The following SHANK2 variants were observed in gnomAD, a reference collection of about 807,000 sequenced individuals.
SHANK2 encodes SH3 and multiple ankyrin repeat domains protein 2.
A neutral mutation model predicts 133.7 loss-of-function variants in SHANK2; 43 were observed. The observed-to-expected ratio is 0.32, with a 90% confidence interval of 0.25 to 0.41. The LOEUF (loss-of-function observed/expected upper bound fraction) is 0.41. Ranked by LOEUF, SHANK2 falls within the 10% of genes least tolerant of loss-of-function variation. SHANK2 has a pLI of 1.00. For synonymous variants in SHANK2, 1,017 were observed against 952.8 expected (o/e 1.07, Z -1.24); for missense variants, 1,994 against 2,235.8 (o/e 0.89, Z 2.18).
intron 2 of SHANK2, among the ~76,000 whole-genome samples, chr11:71,191,607 T>G (rs1953794962): frequency 1.3e-5 from 2 of 152,210 alleles, no homozygotes; most frequent in South Asian, 2.1e-4. Flanking sequence ...TCACCCAGAC[T>G]GGAGTGCAAT....
At chr11:71,174,460 T>A (rs909733845) in intron 2 of SHANK2, among the ~76,000 whole-genome samples, 30 of 151,958 alleles carry the variant, frequency 2.0e-4, no homozygotes, top group African/African-American at 6.8e-4. Context: ...GGCAGGCGGA[T>A]CACGAGGTCA....
At chr11:71,172,095 C>G (rs1953325768) in intron 2 of SHANK2, among the ~76,000 whole-genome samples, 2 of 152,170 alleles carry the variant, frequency 1.3e-5, no homozygotes, top group South Asian at 4.1e-4. Flanking sequence ...CAGCCCCATC[C>G]GTGGCACACT....
At chr11:70,950,090 C>T (rs1555086206) in intron 10 of SHANK2, 4 of 456,540 alleles carry the variant, frequency 8.8e-6, no homozygotes, top group East Asian at 6.9e-5. Flanking sequence ...GGAGTTTCGC[C>T]CTGGTTACCT....
chr11:70,692,492 A>G (rs1004390992), intron 15 of SHANK2, among the ~76,000 whole-genome samples: 1 of 152,252 alleles, frequency 6.6e-6, no homozygotes, highest in African/African-American at 2.4e-5. Flanking sequence ...ACTTAGCTGG[A>G]AAGCCAGAGA....
chr11:70,848,153 C>T (rs1488876867), intron 11 of SHANK2, among the ~76,000 whole-genome samples: 3 of 152,246 alleles, frequency 2.0e-5, no homozygotes, highest in African/African-American at 7.2e-5. Context: ...GCCTTCTCTC[C>T]ACGGAGGCTT....
chr11:70,530,959 C>T (rs1007264276), intron 17 of SHANK2, among the ~76,000 whole-genome samples: 10 of 151,648 alleles, frequency 6.6e-5, no homozygotes. Context: ...TGAGGCCAGG[C>T]CTTTGAGACC....
At chr11:71,105,527 G>A (rs1565453912) in intron 6 of SHANK2, among the ~76,000 whole-genome samples, 1 of 149,360 alleles carries the variant, frequency 6.7e-6, no homozygotes, top group Non-Finnish European at 1.5e-5. Flanking sequence ...GGGAGGCGGA[G>A]GTTGCAGTGA....
intron 14 of SHANK2, among the ~76,000 whole-genome samples, chr11:70,789,452 A>T (rs1015495317): frequency 6.6e-6 from 1 of 152,174 alleles, no homozygotes; most frequent in African/African-American, 2.4e-5. Context: ...AGTCAAGGGA[A>T]GGCACGGCTA....
At chr11:71,182,273 G>C (rs905569401) in intron 2 of SHANK2, among the ~76,000 whole-genome samples, 1 of 152,342 alleles carries the variant, frequency 6.6e-6, no homozygotes, top group South Asian at 2.1e-4. Flanking sequence ...AGCAGAAACA[G>C]TGCCTGTCTT....
At position 70,473,116 on chromosome 11, in the gene SHANK2, A is replaced by T; in HGVS notation, c.5303T>A (p.Ile1768Lys). The T allele has an allele frequency of 1.9e-6, 3 of 1,614,262 alleles. No homozygotes were observed. Among genetic ancestry groups the T allele is most frequent in the Non-Finnish European group, 2.5e-6 (3 of 1,180,040 alleles). Residue 1768 changes from isoleucine to lysine, a missense_variant, in exon 26 of 26, where the codon ATA becomes AAA. Physicochemically the swap from Ile to Lys is moderately radical, Grantham distance 102 (BLOSUM62 -3). Transcript: ENST00000601538. The surrounding 1 kb of genome is among the most constrained non-coding windows in gnomAD (Gnocchi z 5.9). ...CTTATTTGAGATTGGCTGTTGCAGT[A>T]TCGAGGGGGATGGCGACCTACTGCG... Reference protein sequence around the residue: ...AGRSRSPSPSILQQPISNKPF... With the variant: ...AGRSRSPSPSKLQQPISNKPF...
chr11:71,160,261 C>T (rs1590972776), intron 2 of SHANK2, among the ~76,000 whole-genome samples: 1 of 152,112 alleles, frequency 6.6e-6, no homozygotes, highest in Non-Finnish European at 1.5e-5. Context: ...CTCTGTCATC[C>T]CCCCTTAAAG....
chr11:70,657,791 G>C (rs1183331703), intron 17 of SHANK2, among the ~76,000 whole-genome samples: 4 of 152,228 alleles, frequency 2.6e-5, no homozygotes, highest in African/African-American at 9.6e-5. Context: ...TAAAAGCAAT[G>C]TCAGAGGAGG....
intron 14 of SHANK2, among the ~76,000 whole-genome samples, chr11:70,745,042 C>G (rs1427955154): frequency 1.3e-5 from 2 of 152,210 alleles, no homozygotes; most frequent in Non-Finnish European, 2.9e-5. Context: ...GGAAGCCAAG[C>G]AAACCTCTCA....
chr11:70,903,907 C>T (rs1332707651), intron 10 of SHANK2, among the ~76,000 whole-genome samples: 1 of 152,226 alleles, frequency 6.6e-6, no homozygotes, highest in Non-Finnish European at 1.5e-5. Context: ...CCCAAACCCT[C>T]CTTCTCCCCG....
chr11:70,857,903 T>C (rs1420896939), intron 11 of SHANK2, among the ~76,000 whole-genome samples: 1 of 152,184 alleles, frequency 6.6e-6, no homozygotes, highest in Non-Finnish European at 1.5e-5. Flanking sequence ...AGACCCAGGA[T>C]GGGGCTACAT....
At chr11:71,105,471 T>C (rs1412448193) in intron 6 of SHANK2, among the ~76,000 whole-genome samples, 1 of 150,818 alleles carries the variant, frequency 6.6e-6, no homozygotes, top group African/African-American at 2.4e-5. Flanking sequence ...TGCACGTCTA[T>C]AATCCCAGCT....
chr11:70,742,520 G>C (rs1946550312), intron 14 of SHANK2, among the ~76,000 whole-genome samples: 1 of 152,200 alleles, frequency 6.6e-6, no homozygotes, highest in East Asian at 1.9e-4. Flanking sequence ...TGAGAGGGAC[G>C]GGGAATCCTA....
intron 2 of SHANK2, among the ~76,000 whole-genome samples, chr11:71,158,831 A>G (rs1278958711): frequency 1.3e-5 from 2 of 152,212 alleles, no homozygotes; most frequent in Non-Finnish European, 2.9e-5. Context: ...TGTTGGGGGA[A>G]AGAGAAGAAT....
At chr11:70,863,511 G>A (rs373783513) in intron 11 of SHANK2, 11 of 457,730 alleles carry the variant, frequency 2.4e-5, no homozygotes, top group South Asian at 3.1e-5. Context: ...TCTAGGACTC[G>A]CCCACCTGCT....
Sources: gnomAD v4.1 joint callset for allele counts (sites outside exome capture counted in the v4.1 genomes callset) on GRCh38, gnomAD v4.1.1 for gene constraint, Gnocchi (gnomAD v3.1) non-coding constraint, MANE v1.5 for transcripts, NCBI Gene and HGNC (gene_info 2026-07-23, HGNC 2026-07-21) for gene names.